The following SLC2A4RG variants were observed in gnomAD, a reference collection of about 807,000 sequenced individuals.
SLC2A4RG encodes SLC2A4 regulator.
A neutral mutation model predicts 35.5 loss-of-function variants in SLC2A4RG; 23 were observed. The ratio of observed to expected loss-of-function variants is 0.65; its 90% CI spans 0.47 to 0.92. The LOEUF (loss-of-function observed/expected upper bound fraction) is 0.92. Ranked by LOEUF, SLC2A4RG falls within the 40% of genes least tolerant of loss-of-function variation. SLC2A4RG has a pLI of 0.00. For missense variants in SLC2A4RG, 539 were observed against 525.0 expected (o/e 1.03, Z -0.26); for synonymous variants, 306 against 243.7 (o/e 1.26, Z -2.38).
rs1230695414 is a variant in SLC2A4RG at position 63,742,956 on chromosome 20, G to A, written c.1130G>A (p.Arg377His). Residue 377 changes from arginine (R) to histidine (H), a missense_variant, in exon 8 of 8, where the codon CGC becomes CAC. Physicochemically the swap from Arg to His is conservative, Grantham distance 29. Transcript: ENST00000266077. Reference sequence around the variant, plus strand: ...CGGGACCTCTGGTGCACAGCCTGCCGCTGGAAGAAAGCCTGCCAGCGGTTC... The same window carrying A: ...CGGGACCTCTGGTGCACAGCCTGCCACTGGAAGAAAGCCTGCCAGCGGTTC... ...ERRDLWCTAC[R>H]WKKACQRFLD The A allele has an allele frequency of 2.5e-6, 4 of 1,612,090 alleles. No individual in the cohort carries two copies. The highest frequency in any genetic ancestry group is 1.1e-5 in the South Asian group (1 of 91,008).
Position 63,740,368 on chromosome 20 carries a change from C to G in SLC2A4RG, c.127-9C>G. On this transcript the variant is annotated splice_polypyrimidine_tract_variant and intron_variant, in intron 1 of 7. Transcript: ENST00000266077. ...GCCTCCGCTGAGTCTGCCCCCTCCC[C>G]ATCCGCAGGGCTCTTCCGTGGGCGG... 1 of 1,226,706 alleles carries G rather than the reference C, an allele frequency of 8.2e-7. No individual in the cohort carries two copies. Among genetic ancestry groups the G allele is most frequent in the South Asian group, 4.1e-5 (1 of 24,344 alleles). The allele number at this position is 1,226,706 out of a possible 1,614,324, so 76.0% of individuals were successfully genotyped here.
In SLC2A4RG at chr20:63,740,032, G is replaced by A; in HGVS notation, c.120G>A (p.Pro40=). The A allele has an allele frequency of 1.0e-6, 1 of 980,630 alleles. No homozygotes were observed. Among genetic ancestry groups the A allele is most frequent in the Non-Finnish European group, 1.2e-6 (1 of 827,680 alleles). The allele number at this position is 980,630 out of a possible 1,614,324, so 60.7% of individuals were successfully genotyped here. A position where few individuals can be genotyped will look rare whatever the true frequency, so the allele number is the denominator to read the frequency against. Residue 40 remains proline, a synonymous_variant, in exon 1 of 8, where the codon CCG becomes CCA. Coordinates refer to ENST00000266077, the MANE Select transcript of SLC2A4RG (RefSeq NM_020062.4). ...PRAAPVTVPT[P]PQGSSVGGGF... ...CCGCGCCCGTGACGGTGCCCACGCC[G>A]CCGCAGGTACCGGGCGCCGGTGGGC...
Position 63,742,320 on chromosome 20 carries a change from G to A in SLC2A4RG, c.681-16G>A, listed in dbSNP as rs768926124. On this transcript the variant is annotated splice_polypyrimidine_tract_variant and intron_variant, in intron 5 of 7. Transcript: ENST00000266077. ...CCACCCCTTCAGCTCCCACTGGCTG[G>A]CTGTGTCTCCCGCAGGAGGCAGGCA... 2.5e-6 allele frequency: 4 copies of A among 1,605,218 alleles called. No individual in the cohort carries two copies. Among genetic ancestry groups the A allele is most frequent in the African/African-American group, 2.7e-5 (2 of 73,374 alleles).
Position 63,742,342 on chromosome 20 carries a change from G to A in SLC2A4RG, c.687G>A (p.Gln229=). The A allele has an allele frequency of 1.2e-6, 2 of 1,608,264 alleles. No homozygotes were observed. The highest frequency in any genetic ancestry group is 1.7e-6 in the Non-Finnish European group (2 of 1,177,028). ...RHIRLVHLGR[Q]AEPEQSDGEE... is the part of the protein sequence containing the mutation. ...CTGGCTGTGTCTCCCGCAGGAGGCAGGCAGAGCCTGAGCAGAGTGATGGTG... is the reference window on the plus strand; with the variant it reads ...CTGGCTGTGTCTCCCGCAGGAGGCAAGCAGAGCCTGAGCAGAGTGATGGTG... Residue 229 remains glutamine (Q), a synonymous_variant, in exon 6 of 8, where the codon CAG becomes CAA. Coordinates refer to ENST00000266077, the MANE Select transcript of SLC2A4RG (RefSeq NM_020062.4).
Position 63,743,066 on chromosome 20 carries a change from G to A in SLC2A4RG, c.*76G>A, listed in dbSNP as rs1313130409. ...TCCAGGCCCGGGGCTGAAACAGCCC[G>A]AGGACAGCCCCAGGGGCTGGCTTTC... On this transcript the variant is annotated 3_prime_UTR_variant, in exon 8 of 8. Transcript: ENST00000266077. 32 of 1,094,050 alleles carry A rather than the reference G, an allele frequency of 2.9e-5. No individual in the cohort carries two copies. Among genetic ancestry groups the A allele is most frequent in the African/African-American group, 5.0e-5 (3 of 60,100 alleles). 67.8% of individuals were successfully genotyped at this position (1,094,050 alleles called of 1,614,324 possible). A position where few individuals can be genotyped will look rare whatever the true frequency, so the allele number is the denominator to read the frequency against.
In SLC2A4RG at chr20:63,742,561, T is replaced by C. The variant is rs1337500100; in HGVS notation, c.906T>C (p.Pro302=). The C allele has an allele frequency of 1.1e-5, 17 of 1,569,418 alleles. No homozygotes were observed. Among genetic ancestry groups the C allele is most frequent in the Middle Eastern group, 1.7e-4 (1 of 5,802 alleles). ...RPPAPPLPPP[P]VLSTVANPQS... ...CTGCCCCGCCCCTGCCCCCGCCCCC[T>C]GTCCTGAGCACCGTTGCTAACCCCC... The change falls in exon 6 of 8, where the codon CCT becomes CCC. Residue 302 remains proline, a synonymous_variant. Transcript: ENST00000266077.
At chr20:63,740,722 C>T (rs1463388506) in intron 2 of SLC2A4RG, among the ~76,000 whole-genome samples, 191 bp downstream of exon 2, 2 of 152,248 alleles carry the variant, frequency 1.3e-5, no homozygotes, top group Non-Finnish European at 2.9e-5. Flanking sequence ...CCTCCCTCCA[C>T]CGCAGTTCCT....
rs1058319 is a variant in SLC2A4RG at position 63,743,036 on chromosome 20, C to A, written c.*46C>A. On this transcript the variant is annotated 3_prime_UTR_variant, in exon 8 of 8. Coordinates refer to ENST00000266077, the MANE Select transcript of SLC2A4RG (RefSeq NM_020062.4). ...TAAGCTACCACCTTCTCCCTCCCCA[C>A]CCCCTCCAGGCCCGGGGCTGAAACA... The A allele has an allele frequency of 1.3e-6, 2 of 1,487,446 alleles. No individual in the cohort carries two copies. The highest frequency in any genetic ancestry group is 9.1e-7 in the Non-Finnish European group (1 of 1,098,884). The allele number at this position is 1,487,446 out of a possible 1,614,324, so 92.1% of individuals were successfully genotyped here. A position where few individuals can be genotyped will look rare whatever the true frequency, so the allele number is the denominator to read the frequency against.
Position 63,742,758 on chromosome 20 carries a change from C to A in SLC2A4RG, c.1020C>A (p.Pro340=). ...PQPTEVGACP[P]ALSSRIGVTL... ...CCACGGAGGTCGGAGCCTGCCCACC[C>A]GCCTTGTCCTCCAGGATCGGAGTCA... Residue 340 remains proline (P), a synonymous_variant, in exon 7 of 8, where the codon CCC becomes CCA. Transcript: ENST00000266077. 6.3e-7 allele frequency: 1 copy of A among 1,593,504 alleles called. No individual in the cohort carries two copies. Among genetic ancestry groups the A allele is most frequent in the Non-Finnish European group, 8.5e-7 (1 of 1,171,344 alleles).
chr20:63,741,175 GC>G (rs1380082016), intron 2 of SLC2A4RG, 194 bp from the exon 3 acceptor site: 2 of 593,502 alleles, frequency 3.4e-6, no homozygotes, highest in South Asian at 2.0e-5. Flanking sequence ...GGAGACCCTG[GC>G]CCTGCTCCTG....
chr20:63,740,312 G>C (rs1037279248), intron 1 of SLC2A4RG, 65 bp from the exon 2 acceptor site: 11 of 1,070,216 alleles, frequency 1.0e-5, no homozygotes, highest in Non-Finnish European at 1.3e-5. Context: ...ATCCGCGGCG[G>C]AGGTTGAGGG....
At position 63,742,448 on chromosome 20, in the gene SLC2A4RG, C is replaced by T; in HGVS notation, c.793C>T (p.Pro265Ser). ...DGLSSLTPVSPTASMPPAFPR... is the reference protein window; with the variant it reads ...DGLSSLTPVSSTASMPPAFPR... ...GCTGTCCAGCCTGACTCCAGTGTCC[C>T]CCACGGCCTCCATGCCGCCTGCCTT... Residue 265 changes from proline (P) to serine (S), a missense_variant, in exon 6 of 8, where the codon CCC becomes TCC. Pro to Ser is a moderately conservative substitution (Grantham distance 74). Transcript: ENST00000266077. 6.2e-7 allele frequency: 1 copy of T among 1,601,614 alleles called. No individual in the cohort carries two copies. The highest frequency in any genetic ancestry group is 8.5e-7 in the Non-Finnish European group (1 of 1,174,848).
Position 63,742,357 on chromosome 20 carries a change from G to C in SLC2A4RG, c.702G>C (p.Gln234His). Residue 234 changes from glutamine (Q) to histidine (H), a missense_variant, in exon 6 of 8, where the codon CAG becomes CAC. By Grantham distance (24) the Gln-to-His change is conservative. Coordinates refer to ENST00000266077, the MANE Select transcript of SLC2A4RG (RefSeq NM_020062.4). ...VHLGRQAEPE[Q>H]SDGEEDFYYT... ...GCAGGAGGCAGGCAGAGCCTGAGCA[G>C]AGTGATGGTGAGGAGGACTTCTACT... 6.2e-7 allele frequency: 1 copy of C among 1,610,060 alleles called. No individual in the cohort carries two copies. The highest frequency in any genetic ancestry group is 8.5e-7 in the Non-Finnish European group (1 of 1,178,158).
intron 2 of SLC2A4RG, chr20:63,741,151 G>A (rs2092039536): frequency 1.7e-6 from 1 of 574,486 alleles, no homozygotes; most frequent in Non-Finnish European, 3.1e-6. Flanking sequence ...GCGATGTGGA[G>A]AACTCAGGCT....
rs2092036124 is a variant in SLC2A4RG at position 63,740,464 on chromosome 20, C to G, written c.214C>G (p.Arg72Gly). The change falls in exon 2 of 8, where the codon CGG (arginine) becomes GGG (glycine). Residue 72 changes from arginine (R) to glycine (G), a missense_variant. Transcript: ENST00000266077. ...GCGGGCCTCGGACCTGGGGGCCCCCCGGACGTGGACGGGGGCGGCGGCGGG... is the reference window on the plus strand; with the variant it reads ...GCGGGCCTCGGACCTGGGGGCCCCCGGGACGTGGACGGGGGCGGCGGCGGG... ...EPRASDLGAP[R>G]TWTGAAAGPR... The G allele has an allele frequency of 2.4e-6, 3 of 1,229,740 alleles. No homozygotes were observed. The highest frequency in any genetic ancestry group is 2.0e-6 in the Non-Finnish European group (2 of 986,068). 76.2% of individuals were successfully genotyped at this position (1,229,740 alleles called of 1,614,324 possible).
rs2092035916 is a variant in SLC2A4RG, at chr20:63,740,422, C to T, written c.172C>T (p.Pro58Ser). The T allele has an allele frequency of 2.4e-6, 3 of 1,230,126 alleles. No individual in the cohort carries two copies. The highest frequency in any genetic ancestry group is 3.0e-6 in the Non-Finnish European group (3 of 985,958). The allele number at this position is 1,230,126 out of a possible 1,614,324, so 76.2% of individuals were successfully genotyped here. The stretch of plus-strand genomic sequence containing the variant: ...CTTCGCGGGCTTGGAGTTCGCGCGG[C>T]CGCAGGAGTCGGAGCCGCGGGCCTC... ...GGFAGLEFAR[P>S]QESEPRASDL... The change falls in exon 2 of 8, where the codon CCG becomes TCG. Residue 58 changes from proline (P) to serine (S), a missense_variant. Transcript: ENST00000266077.
At position 63,742,319 on chromosome 20, in the gene SLC2A4RG, G is replaced by A. The variant is rs747229733; in HGVS notation, c.681-17G>A. The stretch of plus-strand genomic sequence containing the variant: ...GCCACCCCTTCAGCTCCCACTGGCT[G>A]GCTGTGTCTCCCGCAGGAGGCAGGC... On this transcript the variant is annotated splice_polypyrimidine_tract_variant and intron_variant, in intron 5 of 7. Transcript: ENST00000266077. 6.2e-7 allele frequency: 1 copy of A among 1,606,960 alleles called. No individual in the cohort carries two copies. The highest frequency in any genetic ancestry group is 8.5e-7 in the Non-Finnish European group (1 of 1,176,434).
In SLC2A4RG at chr20:63,742,733, C is replaced by G; in HGVS notation, c.995C>G (p.Pro332Arg). 1 of 1,597,276 alleles carries G rather than the reference C, an allele frequency of 6.3e-7. No homozygotes were observed. Among genetic ancestry groups the G allele is most frequent in the Non-Finnish European group, 8.5e-7 (1 of 1,173,186 alleles). The change falls in exon 7 of 8, where the codon CCC becomes CGC. Residue 332 changes from proline to arginine, a missense_variant. By Grantham distance (103) the Pro-to-Arg change is moderately radical (BLOSUM62 -2). Transcript: ENST00000266077. ...ACGCCCGCCCGCCTGGAGCCGCAGC[C>G]CACGGAGGTCGGAGCCTGCCCACCC... Reference protein sequence around the residue: ...CLTPARLEPQPTEVGACPPAL... With the variant: ...CLTPARLEPQRTEVGACPPAL...
In SLC2A4RG at chr20:63,742,463, C is replaced by T. The variant is rs1443083069; in HGVS notation, c.808C>T (p.Pro270Ser). ...TCCAGTGTCCCCCACGGCCTCCATG[C>T]CGCCTGCCTTCCCCCGCCTGGAGCT... Reference protein sequence around the residue: ...LTPVSPTASMPPAFPRLELPE... With the variant: ...LTPVSPTASMSPAFPRLELPE... Residue 270 changes from proline (P) to serine (S), a missense_variant, in exon 6 of 8, where the codon CCG becomes TCG. By Grantham distance (74) the Pro-to-Ser change is moderately conservative. Coordinates refer to ENST00000266077, the MANE Select transcript of SLC2A4RG (RefSeq NM_020062.4). 2 of 1,594,494 alleles carry T rather than the reference C, an allele frequency of 1.3e-6. No individual in the cohort carries two copies. Among genetic ancestry groups the T allele is most frequent in the South Asian group, 2.3e-5 (2 of 88,816 alleles).
Sources: allele counts gnomAD v4.1 joint callset (sites outside exome capture counted in the v4.1 genomes callset), GRCh38; gene constraint gnomAD v4.1.1; transcripts MANE v1.5; gene names NCBI Gene and HGNC (gene_info 2026-07-23, HGNC 2026-07-21).